LUZP2: variants seen among roughly 807,000 people sequenced by gnomAD.
LUZP2 encodes leucine zipper protein 2.
A neutral mutation model predicts 51.6 loss-of-function variants in LUZP2; 52 were observed. That is an observed-to-expected ratio of 1.01 (90% CI 0.81 to 1.27). The LOEUF (loss-of-function observed/expected upper bound fraction) is 1.27, where lower values mean the gene tolerates loss of function less well. Among genes scored for constraint, LUZP2 ranks in the 50% most tolerant of loss-of-function variants. The pLI, the probability that LUZP2 is intolerant of heterozygous loss-of-function variation, is 0.00. For missense variants in LUZP2, 436 were observed against 395.4 expected (o/e 1.10, Z -0.87); for synonymous variants, 154 against 137.3 (o/e 1.12, Z -0.85).
At chr11:25,040,166 G>A (rs1858002750) in intron 9 of LUZP2, among the ~76,000 whole-genome samples, 1 of 151,982 alleles carries the variant, frequency 6.6e-6, no homozygotes, top group African/African-American at 2.4e-5. Flanking sequence ...ATGCATATGA[G>A]CATTTGCATG....
chr11:25,000,455 T>C (rs555120962), intron 9 of LUZP2, among the ~76,000 whole-genome samples: 1 of 152,302 alleles, frequency 6.6e-6, no homozygotes, highest in East Asian at 1.9e-4. Context: ...CCAGGGTTCC[T>C]TGGTAGTAGT....
chr11:24,889,568 TC>T (rs1305869475), intron 5 of LUZP2, among the ~76,000 whole-genome samples: 1 of 152,198 alleles, frequency 6.6e-6, no homozygotes, highest in Non-Finnish European at 1.5e-5. Context: ...GGATCAGAAT[TC>T]CCTTTTCAGT....
At chr11:24,760,212 G>A (rs529093499) in intron 4 of LUZP2, among the ~76,000 whole-genome samples, 1 of 152,246 alleles carries the variant, frequency 6.6e-6, no homozygotes, top group Admixed American at 6.5e-5. Context: ...ATGGAGACCA[G>A]GGTTTTTATT....
chr11:24,994,304 T>C (rs77216267), intron 9 of LUZP2, among the ~76,000 whole-genome samples: 4,210 of 152,278 alleles, frequency 0.028, 95 homozygotes, highest in East Asian at 0.1. Flanking sequence ...AATTTGAGTT[T>C]ACTTCTATAT....
At chr11:24,635,935 G>C (rs1192527523) in intron 1 of LUZP2, among the ~76,000 whole-genome samples, 2 of 152,128 alleles carry the variant, frequency 1.3e-5, no homozygotes, top group African/African-American at 4.8e-5. Flanking sequence ...TGGAACTGGG[G>C]AAAAGTACTG....
intron 5 of LUZP2, among the ~76,000 whole-genome samples, chr11:24,784,862 A>C (rs988243818): frequency 1.3e-5 from 2 of 152,120 alleles, no homozygotes; most frequent in Admixed American, 6.6e-5. Flanking sequence ...TGTATGATAT[A>C]CATTTATGCA....
chr11:24,551,672 A>G lies in LUZP2; in HGVS notation c.62+54367A>G, dbSNP rs946592896. ...AAATATATCAAAATTTGACACAGTC[A>G]TAGTAATTCATAATTGGAAATATAG... On this transcript the variant is annotated intron_variant, in intron 1 of 11. Transcript: ENST00000336930. Among the ~76,000 whole-genome samples, 5 of 152,070 alleles carry G rather than the reference A, an allele frequency of 3.3e-5. No homozygotes were observed. The East Asian group carries it at 9.7e-4, about 29-fold the overall frequency.
chr11:24,728,538 A>G (rs1305136661), intron 1 of LUZP2, among the ~76,000 whole-genome samples: 1 of 151,850 alleles, frequency 6.6e-6, no homozygotes, highest in African/African-American at 2.4e-5. Context: ...CAGCCAGGGA[A>G]AATTTTCCAA....
intron 1 of LUZP2, among the ~76,000 whole-genome samples, chr11:24,707,272 T>TTCTC (rs1175343205): frequency 3.4e-5 from 5 of 147,696 alleles, no homozygotes; most frequent in African/African-American, 1.3e-4. Flanking sequence ...AGCTCACTCT[T>TTCTC]TCTATCTCTC....
chr11:24,947,247 A>G (rs1315100805), intron 7 of LUZP2, among the ~76,000 whole-genome samples: 2 of 151,982 alleles, frequency 1.3e-5, no homozygotes, highest in Non-Finnish European at 2.9e-5. Context: ...ATTTACCCTT[A>G]TTCACTAAGT....
intron 10 of LUZP2, among the ~76,000 whole-genome samples, chr11:25,065,276 G>A (rs1858966597): frequency 6.6e-6 from 1 of 151,960 alleles, no homozygotes; most frequent in Non-Finnish European, 1.5e-5. Flanking sequence ...TTTATTAAGG[G>A]CCAAGTGAAT....
intron 4 of LUZP2, among the ~76,000 whole-genome samples, chr11:24,740,768 T>C (rs761590322): frequency 2.6e-5 from 4 of 152,142 alleles, no homozygotes; most frequent in Non-Finnish European, 5.9e-5. Context: ...TTTAATTTCA[T>C]CTTCATCCGT....
intron 9 of LUZP2, among the ~76,000 whole-genome samples, chr11:25,030,637 A>C (rs1183011561): frequency 2.0e-5 from 3 of 151,482 alleles, no homozygotes; most frequent in Admixed American, 1.3e-4. Flanking sequence ...ATTGTAGCTC[A>C]CTGGGTCTTA....
At chr11:24,974,457 T>C (rs192528858) in intron 7 of LUZP2, among the ~76,000 whole-genome samples, 217 of 151,000 alleles carry the variant, frequency 1.4e-3, no homozygotes, top group Non-Finnish European at 2.7e-3. Flanking sequence ...TTATTATATG[T>C]GAATTTGATT....
chr11:24,630,180 A>C (rs1854830943), intron 1 of LUZP2, among the ~76,000 whole-genome samples: 1 of 151,944 alleles, frequency 6.6e-6, no homozygotes. Flanking sequence ...CCTGTACAGA[A>C]GCTTTTTAGT....
intron 9 of LUZP2, among the ~76,000 whole-genome samples, chr11:25,019,912 A>T (rs114619898): frequency 2.2e-4 from 32 of 147,930 alleles, no homozygotes; most frequent in African/African-American, 8.5e-4. Flanking sequence ...TATTGTTTTG[A>T]TGTAGTGTCA....
chr11:24,761,912 T>G (rs1859993062), intron 4 of LUZP2, among the ~76,000 whole-genome samples: 1 of 150,788 alleles, frequency 6.6e-6, no homozygotes, highest in Non-Finnish European at 1.5e-5. Flanking sequence ...GAGACAAATA[T>G]GTAAGTTCAG....
At chr11:24,925,158 G>A (rs1028319121) in intron 7 of LUZP2, among the ~76,000 whole-genome samples, 1 of 152,098 alleles carries the variant, frequency 6.6e-6, no homozygotes, top group African/African-American at 2.4e-5. Flanking sequence ...TATTTATCAT[G>A]TTGGTATCTC....
Position 24,908,852 on chromosome 11 carries a change from T to A in LUZP2, c.459+2799T>A, listed in dbSNP as rs141580579. Among the ~76,000 whole-genome samples, 673 of 151,270 alleles carry A rather than the reference T, an allele frequency of 4.4e-3. 6 individuals carry two copies. The highest frequency in any genetic ancestry group is 0.016 in the African/African-American group (642 of 41,248). ...CTCACTGCAAGCTCCACCTCCCAGGTTCATGCCATTCTTCTGCGTCAGCCT... is the reference window on the plus strand; with the variant it reads ...CTCACTGCAAGCTCCACCTCCCAGGATCATGCCATTCTTCTGCGTCAGCCT... On this transcript the variant is annotated intron_variant, in intron 6 of 11. Coordinates refer to ENST00000336930, the MANE Select transcript of LUZP2 (RefSeq NM_001009909.4).
Sources: gnomAD v4.1 joint callset for allele counts (sites outside exome capture counted in the v4.1 genomes callset) on GRCh38, gnomAD v4.1.1 for gene constraint, MANE v1.5 for transcripts, NCBI Gene and HGNC (gene_info 2026-07-23, HGNC 2026-07-21) for gene names.